ZNF107: variants seen among roughly 807,000 people sequenced by gnomAD.
ZNF107 encodes zinc finger protein 107.
ZNF107 carries 19 observed loss-of-function variants against 12.3 expected under a neutral mutation model. That is an observed-to-expected ratio of 1.55 (90% CI 1.08 to 2.27). The LOEUF is 2.27. Among genes scored for constraint, ZNF107 ranks in the 30% most tolerant of loss-of-function variants. The pLI, the probability that ZNF107 is intolerant of heterozygous loss-of-function variation, is 0.00. For missense variants in ZNF107, 958 were observed against 979.9 expected, an observed-to-expected ratio of 0.98 and a Z score of 0.30; for synonymous variants, 317 against 330.5, an observed-to-expected ratio of 0.96 and a Z score of 0.44.
intron 1 of ZNF107, chr7:64,686,664 A>G: frequency 2.0e-6 from 2 of 984,080 alleles, no homozygotes; most frequent in Non-Finnish European, 2.4e-6. Context: ...ACTTCCTGGA[A>G]CCAGAAAACC....
rs745636577 is a variant in ZNF107, at chr7:64,707,519, T to G, written c.1422T>G (p.Ile474Met). The change falls in exon 4 of 4, where the codon ATT becomes ATG. Residue 474 changes from isoleucine (I) to methionine (M), a missense_variant. Physicochemically the swap from Ile to Met is conservative, Grantham distance 10. Coordinates refer to ENST00000620827, the MANE Select transcript of ZNF107 (RefSeq NM_001282359.2). Reference protein sequence around the residue: ...QHSNLINHRKIYSGEKPYKCE... With the variant: ...QHSNLINHRKMYSGEKPYKCE... ...CAAACCTAATTAACCATAGGAAAATTTATTCTGGAGAGAAACCATACAAAT... is the reference window on the plus strand; with the variant it reads ...CAAACCTAATTAACCATAGGAAAATGTATTCTGGAGAGAAACCATACAAAT... 3 of 1,613,304 alleles carry G rather than the reference T, an allele frequency of 1.9e-6. No individual in the cohort carries two copies. Among genetic ancestry groups the G allele is most frequent in the Middle Eastern group, 1.7e-4 (1 of 6,056 alleles).
chr7:64,706,993 A>G lies in ZNF107; in HGVS notation c.896A>G (p.His299Arg). 3.7e-6 allele frequency: 6 copies of G among 1,613,424 alleles called. No homozygotes were observed. The highest frequency in any genetic ancestry group is 1.7e-4 in the Middle Eastern group (1 of 6,058). The change falls in exon 4 of 4, where the codon CAC becomes CGC. Residue 299 changes from histidine (H) to arginine (R), a missense_variant. Coordinates refer to ENST00000620827, the MANE Select transcript of ZNF107 (RefSeq NM_001282359.2). ...ECGKVFSQSS[H>R]LTTQKILHTG... ...GGCAAAGTCTTTAGCCAGTCCTCAC[A>G]CCTTACTACACAAAAGATACTTCAC...
At chr7:64,673,346 ATT>A (rs1204032080) in intron 1 of ZNF107, among the ~76,000 whole-genome samples, 1 of 152,200 alleles carries the variant, frequency 6.6e-6, no homozygotes, top group Admixed American at 6.5e-5. Flanking sequence ...CTGACAGAGC[ATT>A]TTTAAAATTT....
At chr7:64,666,379 C>T (rs1247039147) in intron 1 of ZNF107, 94 bp downstream of exon 1, 2 of 1,527,264 alleles carry the variant, frequency 1.3e-6, no homozygotes, top group African/African-American at 1.4e-5. Flanking sequence ...CTCCAAAGTC[C>T]GCGGCCCCAA....
intron 1 of ZNF107, among the ~76,000 whole-genome samples, chr7:64,675,882 T>G (rs1789397709): frequency 6.6e-6 from 1 of 152,194 alleles, no homozygotes; most frequent in Non-Finnish European, 1.5e-5. Context: ...AGACAGAGTC[T>G]CACTCTGTCA....
At position 64,691,906 on chromosome 7, in the gene ZNF107, C is replaced by CAA; in HGVS notation, c.179_180dup (p.Glu61LysfsTer6). ...GCCATATCTGATCACCTGTCTGGAG[C>CAA]AAAAAAAAGAGCCCTGGAATATAAA... is the stretch of plus-strand genomic sequence containing the variant. On this transcript the variant is annotated frameshift_variant, in exon 3 of 4. Coordinates refer to ENST00000620827, the MANE Select transcript of ZNF107 (RefSeq NM_001282359.2). LOFTEE classifies it high-confidence loss of function. The CAA allele has an allele frequency of 2.0e-6, 3 of 1,514,718 alleles. No individual in the cohort carries two copies. Among genetic ancestry groups the CAA allele is most frequent in the South Asian group, 2.6e-5 (2 of 77,218 alleles). 93.8% of individuals were successfully genotyped at this position (1,514,718 alleles called of 1,614,324 possible).
chr7:64,671,904 C>T (rs1314417652), intron 1 of ZNF107, among the ~76,000 whole-genome samples: 1 of 151,546 alleles, frequency 6.6e-6, no homozygotes, highest in Non-Finnish European at 1.5e-5. Context: ...GCCTCAGCCT[C>T]CCGAGTAGCT....
rs1471840352 is a variant in ZNF107 at position 64,708,958 on chromosome 7, CA to C, written c.*303del. 1 of 496,814 alleles carries C rather than the reference CA, an allele frequency of 2.0e-6. No homozygotes were observed. The highest frequency in any genetic ancestry group is 1.9e-5 in the African/African-American group (1 of 51,384). 30.8% of individuals were successfully genotyped at this position (496,814 alleles called of 1,614,324 possible). A position where few individuals can be genotyped will look rare whatever the true frequency, so the allele number is the denominator to read the frequency against. ...AAGGTAATTCATACTGGAGAAAAGC[CA>C]TACAAATGAGAAGAATGTGGCAATG... On this transcript the variant is annotated 3_prime_UTR_variant, in exon 4 of 4. Transcript: ENST00000620827.
At chr7:64,684,112 C>G (rs1273584561) in intron 1 of ZNF107, among the ~76,000 whole-genome samples, 1 of 152,168 alleles carries the variant, frequency 6.6e-6, no homozygotes, top group Admixed American at 6.5e-5. Flanking sequence ...CCAACGGCCT[C>G]TTAAAAACTC....
In ZNF107 at chr7:64,706,322, A is replaced by T; in HGVS notation, c.227-2A>T. The T allele has an allele frequency of 6.6e-7, 1 of 1,523,362 alleles. No homozygotes were observed. Among genetic ancestry groups the T allele is most frequent in the Non-Finnish European group, 8.8e-7 (1 of 1,136,764 alleles). 94.4% of individuals were successfully genotyped at this position (1,523,362 alleles called of 1,614,324 possible). A position where few individuals can be genotyped will look rare whatever the true frequency, so the allele number is the denominator to read the frequency against. On this transcript the variant is annotated splice_acceptor_variant, in intron 3 of 3. Transcript: ENST00000620827. LOFTEE classifies it high-confidence loss of function. ...GTAATTTATTATTTTTATTTCTTTC[A>T]GTAATGTCTTTTCATTTTGCCCAAG...
chr7:64,696,008 C>G (rs190060979), intron 3 of ZNF107, among the ~76,000 whole-genome samples: 1 of 151,564 alleles, frequency 6.6e-6, no homozygotes, highest in East Asian at 2.0e-4. Context: ...ACAAAAGGAT[C>G]GCTTGAGCCC....
chr7:64,695,439 T>C (rs190115286), intron 3 of ZNF107, among the ~76,000 whole-genome samples: 361 of 152,314 alleles, frequency 2.4e-3, no homozygotes, highest in Non-Finnish European at 2.8e-3. Context: ...AAAAAAGATT[T>C]CATGAATAAA....
At chr7:64,670,387 G>A (rs1361125303) in intron 1 of ZNF107, among the ~76,000 whole-genome samples, 1 of 152,110 alleles carries the variant, frequency 6.6e-6, no homozygotes, top group Non-Finnish European at 1.5e-5. Context: ...TTATCCTGAA[G>A]TCATCAAGTC....
chr7:64,683,083 G>A (rs546958905), intron 1 of ZNF107, among the ~76,000 whole-genome samples: 17 of 152,214 alleles, frequency 1.1e-4, no homozygotes, highest in Non-Finnish European at 1.9e-4. Flanking sequence ...ATCTGTTATC[G>A]AGGCTGCTGC....
chr7:64,693,849 C>T (rs1228167740), intron 3 of ZNF107, among the ~76,000 whole-genome samples: 3 of 152,024 alleles, frequency 2.0e-5, no homozygotes, highest in African/African-American at 4.8e-5. Flanking sequence ...AGTGCAGTGG[C>T]GTGATGTCGG....
At chr7:64,678,732 A>G (rs1024625283) in intron 1 of ZNF107, among the ~76,000 whole-genome samples, 16 of 152,194 alleles carry the variant, frequency 1.1e-4, no homozygotes, top group Non-Finnish European at 2.2e-4. Flanking sequence ...AAATTATTAT[A>G]GTAGATATTA....
At chr7:64,670,132 G>A (rs1298376873) in intron 1 of ZNF107, among the ~76,000 whole-genome samples, 1 of 152,150 alleles carries the variant, frequency 6.6e-6, no homozygotes, top group African/African-American at 2.4e-5. Flanking sequence ...AGATGAAGTT[G>A]TTATCGTTTT....
At position 64,707,235 on chromosome 7, in the gene ZNF107, CGATCCTT is replaced by C. The variant is rs1229379391; in HGVS notation, c.1139_1145del (p.Arg380GlnfsTer10). ...TGAAGAATGTGACAAAGCTTTTAACCGATCCTTAAAACTTACTGCACATAAGAAAATT... is the reference window on the plus strand; with the variant it reads ...TGAAGAATGTGACAAAGCTTTTAACCAAAACTTACTGCACATAAGAAAATT... On this transcript the variant is annotated frameshift_variant, in exon 4 of 4. Transcript: ENST00000620827. LOFTEE classifies it low-confidence loss of function (END_TRUNC). 8.7e-6 allele frequency: 14 copies of C among 1,612,904 alleles called. No homozygotes were observed. Among genetic ancestry groups the C allele is most frequent in the Non-Finnish European group, 1.0e-5 (12 of 1,179,610 alleles).
At chr7:64,673,741 T>C (rs2128956504) in intron 1 of ZNF107, among the ~76,000 whole-genome samples, 1 of 152,310 alleles carries the variant, frequency 6.6e-6, no homozygotes, top group South Asian at 2.1e-4. Flanking sequence ...GTTGAGTGAT[T>C]TTTATATATG....
Sources: gnomAD v4.1 joint callset for allele counts (sites outside exome capture counted in the v4.1 genomes callset) on GRCh38, gnomAD v4.1.1 for gene constraint, MANE v1.5 for transcripts, NCBI Gene and HGNC (gene_info 2026-07-23, HGNC 2026-07-21) for gene names.